PSTPIP2: variants seen among roughly 807,000 people sequenced by gnomAD.
PSTPIP2 encodes the protein proline-serine-threonine phosphatase-interacting protein 2.
Under a neutral mutation model 63.3 loss-of-function variants are expected in PSTPIP2, and 33 were observed. That is an observed-to-expected ratio of 0.52 (90% CI 0.40 to 0.70). The LOEUF is 0.70. PSTPIP2 is among the 30% of genes least tolerant of loss of function. The pLI is 0.00. For synonymous variants in PSTPIP2, 125 were observed against 132.7 expected, an observed-to-expected ratio of 0.94 and a Z score of 0.40; for missense variants, 312 against 400.7, an observed-to-expected ratio of 0.78 and a Z score of 1.89.
At position 46,034,655 on chromosome 18, in the gene PSTPIP2, A is replaced by G. The variant is rs142902039; in HGVS notation, c.134+5292T>C. Reference sequence around the variant, plus strand: ...TTGTGTACCAGCTACTGTACTGGGCACAGTGTACTGGTTAATAGCAGATTC... The same window carrying G: ...TTGTGTACCAGCTACTGTACTGGGCGCAGTGTACTGGTTAATAGCAGATTC... On this transcript the variant is annotated intron_variant, in intron 2 of 14. Transcript: ENST00000409746. Among the ~76,000 whole-genome samples the G allele has an allele frequency of 2.7e-3, 412 of 152,304 alleles. 1 individual carries two copies. Among genetic ancestry groups the G allele is most frequent in the Non-Finnish European group, 5.1e-3 (345 of 68,028 alleles).
At position 45,993,542 on chromosome 18, in the gene PSTPIP2, T is replaced by C. The variant is rs569734821; in HGVS notation, c.741+63A>G. On this transcript the variant is annotated intron_variant, in intron 10 of 14. Transcript: ENST00000409746. ...AAAGTGAACCAATCAATATCTATAG[T>C]TCCTTCTACTCTAATGTATCCAACA... 4 of 1,472,946 alleles carry C rather than the reference T, an allele frequency of 2.7e-6. No individual in the cohort carries two copies. The South Asian group carries it at 4.6e-5, about 17-fold the overall frequency. 91.2% of individuals were successfully genotyped at this position (1,472,946 alleles called of 1,614,324 possible). A position where few individuals can be genotyped will look rare whatever the true frequency, so the allele number is the denominator to read the frequency against.
intron 6 of PSTPIP2, among the ~76,000 whole-genome samples, chr18:46,000,004 T>A (rs929655792): frequency 4.6e-5 from 7 of 152,102 alleles, no homozygotes; most frequent in African/African-American, 1.7e-4. Flanking sequence ...CTAGGCATGG[T>A]GGCACACACC....
intron 8 of PSTPIP2, 60 bp from the exon 9 acceptor site, chr18:45,997,888 A>T (rs374625567): frequency 1.4e-6 from 2 of 1,470,062 alleles, no homozygotes; most frequent in South Asian, 1.1e-5. Context: ...TCGCAGATAC[A>T]CCCACAGGCT....
Position 46,024,895 on chromosome 18 carries a change from G to T in PSTPIP2, c.135-209C>A, listed in dbSNP as rs148737619. On this transcript the variant is annotated intron_variant, in intron 2 of 14. Transcript: ENST00000409746. The stretch of plus-strand genomic sequence containing the variant: ...CTCATCTCTATGGTGGTCTTCTCCA[G>T]CTGGAAGTCCCTAACATGGACATTA... Among the ~76,000 whole-genome samples the T allele has an allele frequency of 1.9e-3, 287 of 152,288 alleles. 2 individuals are homozygous for T. Among genetic ancestry groups the T allele is most frequent in the African/African-American group, 6.5e-3 (272 of 41,544 alleles).
chr18:46,009,382 A>G (rs1386265557), intron 5 of PSTPIP2, among the ~76,000 whole-genome samples: 4 of 135,176 alleles, frequency 3.0e-5, no homozygotes, highest in Admixed American at 2.2e-4. Context: ...AAAAAAAAAA[A>G]AAAAAAAAAC....
chr18:45,988,882 T>C (rs761279811), intron 13 of PSTPIP2, 123 bp from the exon 14 acceptor site: 2 of 767,230 alleles, frequency 2.6e-6, no homozygotes, highest in South Asian at 3.2e-5. Flanking sequence ...AAAGAGAAAA[T>C]AGATCTGCCA....
chr18:46,062,342 A>G (rs1466704279), intron 1 of PSTPIP2, among the ~76,000 whole-genome samples: 1 of 152,002 alleles, frequency 6.6e-6, no homozygotes, highest in Non-Finnish European at 1.5e-5. Context: ...GACTTGTCCA[A>G]GAATCTTGCC....
At chr18:46,018,006 TTTTTA>T (rs1482277527) in intron 3 of PSTPIP2, among the ~76,000 whole-genome samples, 1 of 152,340 alleles carries the variant, frequency 6.6e-6, no homozygotes, top group East Asian at 1.9e-4. Flanking sequence ...ATCTACTGAA[TTTTTA>T]TTTTAAGTAT....
chr18:46,065,144 CAAAAAA>C lies in PSTPIP2; in HGVS notation c.33+7006_33+7011del, dbSNP rs35144990. On this transcript the variant is annotated intron_variant, in intron 1 of 14. Transcript: ENST00000409746. ...GGGCAACAAGAACGAAACTCTGTCT[CAAAAAA>C]AAAAAAAAAAAAAAGAAAAGAAAAG... Among the ~76,000 whole-genome samples the C allele has an allele frequency of 1.4e-4, 11 of 80,798 alleles. 1 individual carries two copies. Among genetic ancestry groups the C allele is most frequent in the African/African-American group, 3.5e-4 (8 of 22,824 alleles). The allele number at this position is 80,798 out of a possible 152,430, so 53.0% of individuals were successfully genotyped here.
intron 1 of PSTPIP2, 75 bp downstream of exon 1, chr18:46,072,081 C>T: frequency 6.7e-7 from 1 of 1,496,286 alleles, no homozygotes; most frequent in East Asian, 2.9e-5. Flanking sequence ...GGGGAGCCCC[C>T]CACGCCCGCC....
chr18:45,989,959 AG>A (rs1282915749), intron 13 of PSTPIP2: 2 of 152,264 alleles, frequency 1.3e-5, no homozygotes, highest in African/African-American at 2.4e-5. Flanking sequence ...ACAACTAATA[AG>A]AAGTGCTAAG....
At chr18:46,050,570 T>TA (rs1908550851) in intron 1 of PSTPIP2, among the ~76,000 whole-genome samples, 1 of 148,038 alleles carries the variant, frequency 6.8e-6, no homozygotes, top group Non-Finnish European at 1.5e-5. Context: ...CAAAATAAAA[T>TA]AAAAAAGATA....
chr18:46,034,109 G>A (rs1442813870), intron 2 of PSTPIP2, among the ~76,000 whole-genome samples: 1 of 152,172 alleles, frequency 6.6e-6, no homozygotes, highest in Admixed American at 6.5e-5. Flanking sequence ...ACCACAGTGA[G>A]GGTCCCGGAA....
At chr18:46,056,028 A>G (rs1450428870) in intron 1 of PSTPIP2, among the ~76,000 whole-genome samples, 1 of 152,206 alleles carries the variant, frequency 6.6e-6, no homozygotes, top group Non-Finnish European at 1.5e-5. Context: ...TCACTAGGAC[A>G]GCTTCTATAG....
At chr18:46,038,896 G>A (rs1457462744) in intron 2 of PSTPIP2, among the ~76,000 whole-genome samples, 2 of 152,156 alleles carry the variant, frequency 1.3e-5, no homozygotes, top group Non-Finnish European at 2.9e-5. Context: ...CAGAACTTTG[G>A]GAGGCCGAGG....
intron 5 of PSTPIP2, among the ~76,000 whole-genome samples, chr18:46,010,101 A>G (rs672717): frequency 0.65 from 98,701 of 152,056 alleles, 32,460 homozygotes; most frequent in East Asian, 0.83. Flanking sequence ...ATAGGGGTAA[A>G]GCAGGAAGGC....
intron 9 of PSTPIP2, among the ~76,000 whole-genome samples, chr18:45,996,729 C>T (rs1162043556): frequency 6.6e-6 from 1 of 151,904 alleles, no homozygotes; most frequent in Non-Finnish European, 1.5e-5. Context: ...CCCAGGAGCT[C>T]AAGACCAGCC....
chr18:46,027,274 G>A (rs1211608683), intron 2 of PSTPIP2, among the ~76,000 whole-genome samples: 1 of 150,272 alleles, frequency 6.7e-6, no homozygotes, highest in Non-Finnish European at 1.5e-5. Flanking sequence ...CAGCCTGGGC[G>A]ACAAGAGCAA....
intron 1 of PSTPIP2, among the ~76,000 whole-genome samples, chr18:46,041,749 T>A (rs1274322025): frequency 3.3e-5 from 5 of 152,148 alleles, no homozygotes; most frequent in African/African-American, 1.2e-4. Flanking sequence ...TACCCCTGAA[T>A]GCATACAATG....
Sources: allele counts gnomAD v4.1 joint callset (sites outside exome capture counted in the v4.1 genomes callset), GRCh38; gene constraint gnomAD v4.1.1; transcripts MANE v1.5; gene names NCBI Gene and HGNC (gene_info 2026-07-23, HGNC 2026-07-21).